AFG1L: variants seen among roughly 807,000 people sequenced by gnomAD.
AFG1L encodes AFG1 like ATPase.
A neutral mutation model predicts 62.2 loss-of-function variants in AFG1L; 53 were observed. The observed-to-expected ratio is 0.85, with a 90% confidence interval of 0.68 to 1.07. The LOEUF (loss-of-function observed/expected upper bound fraction) is 1.07, where lower values mean the gene tolerates loss of function less well. Among genes scored for constraint, AFG1L ranks in the 50% least tolerant of loss-of-function variants. The pLI is 0.00. For synonymous variants in AFG1L, 228 were observed against 210.3 expected (o/e 1.08, Z -0.73); for missense variants, 555 against 590.5 (o/e 0.94, Z 0.62).
intron 3 of AFG1L, among the ~76,000 whole-genome samples, chr6:108,348,317 ATCCGCTC>A: frequency 6.6e-6 from 1 of 152,328 alleles, no homozygotes; most frequent in Admixed American, 6.5e-5. Context: ...TGACCTCGTG[ATCCGCTC>A]TCCTCGGCCT....
chr6:108,326,044 T>A (rs1016017157), intron 2 of AFG1L, among the ~76,000 whole-genome samples: 17 of 152,310 alleles, frequency 1.1e-4, no homozygotes, highest in African/African-American at 3.4e-4. Context: ...CCCAAAGTGC[T>A]GGGATTACAG....
intron 1 of AFG1L, among the ~76,000 whole-genome samples, chr6:108,302,927 A>G (rs1777062462): frequency 6.6e-6 from 1 of 151,810 alleles, no homozygotes; most frequent in African/African-American, 2.4e-5. Flanking sequence ...AAAGCTGTCA[A>G]TAGCTCAAAA....
chr6:108,358,836 A>T (rs542807180), intron 5 of AFG1L, among the ~76,000 whole-genome samples: 54 of 152,264 alleles, frequency 3.5e-4, no homozygotes, highest in African/African-American at 1.3e-3. Context: ...GCCCGGCCTG[A>T]TTGGCATGTT....
At chr6:108,325,920 G>T (rs1306177474) in intron 2 of AFG1L, among the ~76,000 whole-genome samples, 1 of 152,036 alleles carries the variant, frequency 6.6e-6, no homozygotes, top group East Asian at 1.9e-4. Context: ...GGGATTACAG[G>T]CACCTGCCAC....
intron 1 of AFG1L, among the ~76,000 whole-genome samples, chr6:108,315,544 G>A (rs1389703799): frequency 9.2e-5 from 14 of 152,102 alleles, no homozygotes; most frequent in Admixed American, 2.0e-4. Context: ...GATTCTGTAT[G>A]CCTTCCTTCC....
At chr6:108,333,180 C>T (rs1025177926) in intron 2 of AFG1L, among the ~76,000 whole-genome samples, 7 of 150,344 alleles carry the variant, frequency 4.7e-5, no homozygotes, top group South Asian at 2.1e-4. Flanking sequence ...GAGGCCGAGG[C>T]GGGCAGATCA....
At chr6:108,473,802 G>A (rs560122170) in intron 8 of AFG1L, among the ~76,000 whole-genome samples, 2 of 152,108 alleles carry the variant, frequency 1.3e-5, no homozygotes, top group East Asian at 1.9e-4. Flanking sequence ...CAGATGATTC[G>A]CCCACCTCAG....
At chr6:108,455,949 T>C (rs957189935) in intron 8 of AFG1L, among the ~76,000 whole-genome samples, 4 of 152,164 alleles carry the variant, frequency 2.6e-5, no homozygotes, top group African/African-American at 9.6e-5. Flanking sequence ...TTGGGTCAAG[T>C]TGGTTGACAG....
intron 7 of AFG1L, among the ~76,000 whole-genome samples, chr6:108,428,565 G>A (rs544889089): frequency 1.9e-3 from 282 of 152,192 alleles, no homozygotes; most frequent in African/African-American, 6.5e-3. Flanking sequence ...ACATTCCCAC[G>A]AGCAGTGTAT....
chr6:108,338,848 C>A (rs1246519158), intron 2 of AFG1L, among the ~76,000 whole-genome samples: 1 of 152,218 alleles, frequency 6.6e-6, no homozygotes, highest in East Asian at 1.9e-4. Flanking sequence ...CCAAGACACA[C>A]ATCCTGGATT....
intron 7 of AFG1L, among the ~76,000 whole-genome samples, chr6:108,421,197 G>A (rs1770572269): frequency 6.6e-6 from 1 of 152,176 alleles, no homozygotes; most frequent in African/African-American, 2.4e-5. Context: ...TTCCAACCAT[G>A]AAGAGATGTG....
intron 1 of AFG1L, among the ~76,000 whole-genome samples, chr6:108,317,420 A>G (rs944667419): frequency 1.3e-5 from 2 of 152,194 alleles, no homozygotes; most frequent in African/African-American, 4.8e-5. Context: ...ACTGAGTCCA[A>G]CTGTGGGTGG....
chr6:108,302,858 A>G (rs182112819), intron 1 of AFG1L, among the ~76,000 whole-genome samples: 24 of 152,312 alleles, frequency 1.6e-4, no homozygotes, highest in African/African-American at 5.3e-4. Context: ...GAAATCAGGT[A>G]GAGAGAAACA....
At chr6:108,463,178 A>C (rs1772528566) in intron 8 of AFG1L, among the ~76,000 whole-genome samples, 1 of 151,360 alleles carries the variant, frequency 6.6e-6, no homozygotes, top group Non-Finnish European at 1.5e-5. Context: ...AATCTCAGCT[A>C]CTCAGGAGGC....
intron 6 of AFG1L, among the ~76,000 whole-genome samples, chr6:108,376,080 T>C (rs1780233259): frequency 6.6e-6 from 1 of 152,190 alleles, no homozygotes; most frequent in Admixed American, 6.5e-5. Context: ...TTCCTCTAGA[T>C]TTTCTAGTTT....
intron 10 of AFG1L, among the ~76,000 whole-genome samples, chr6:108,477,530 C>G (rs1773160293): frequency 6.6e-6 from 1 of 152,162 alleles, no homozygotes; most frequent in Non-Finnish European, 1.5e-5. Flanking sequence ...GAACTGTCAA[C>G]TGTTGCTAGA....
chr6:108,366,192 G>T, intron 5 of AFG1L, 41 bp from the exon 6 acceptor site: 1 of 1,258,544 alleles, frequency 7.9e-7, no homozygotes, highest in Non-Finnish European at 1.1e-6. Flanking sequence ...TGTTACAGCA[G>T]AAGTGAAATT....
At chr6:108,459,636 A>G (rs1439243516) in intron 8 of AFG1L, among the ~76,000 whole-genome samples, 1 of 152,228 alleles carries the variant, frequency 6.6e-6, no homozygotes, top group Admixed American at 6.5e-5. Flanking sequence ...AGTATAACAT[A>G]ATAGTTGATG....
intron 7 of AFG1L, among the ~76,000 whole-genome samples, chr6:108,433,071 G>A (rs1457326994): frequency 1.3e-5 from 2 of 152,164 alleles, no homozygotes; most frequent in African/African-American, 4.8e-5. Context: ...TTTGTTATGA[G>A]GAAATCCTGC....
Sources: gnomAD v4.1 joint callset for allele counts (sites outside exome capture counted in the v4.1 genomes callset) on GRCh38, gnomAD v4.1.1 for gene constraint, MANE v1.5 for transcripts, NCBI Gene and HGNC (gene_info 2026-07-23, HGNC 2026-07-21) for gene names.